The following IRAK1BP1 variants were observed in gnomAD, a reference collection of about 807,000 sequenced individuals.
IRAK1BP1 encodes the protein interleukin 1 receptor associated kinase 1 binding protein 1, also known as interleukin-1 receptor-associated kinase 1-binding protein 1.
Under a neutral mutation model 28.0 loss-of-function variants are expected in IRAK1BP1, and 24 were observed. That is an observed-to-expected ratio of 0.86 (90% CI 0.62 to 1.20). IRAK1BP1 has a LOEUF of 1.20. Ranked by LOEUF, IRAK1BP1 falls within the 50% of genes most tolerant of loss-of-function variation. IRAK1BP1 has a pLI of 0.00. For missense variants in IRAK1BP1, 336 were observed against 316.7 expected (o/e 1.06, Z -0.46); for synonymous variants, 131 against 116.3 (o/e 1.13, Z -0.81).
At chr6:78,893,645 C>A (rs1771764914) in intron 2 of IRAK1BP1, among the ~76,000 whole-genome samples, 1 of 151,986 alleles carries the variant, frequency 6.6e-6, no homozygotes, top group Non-Finnish European at 1.5e-5. Context: ...GTGGCTCACA[C>A]CTGTAATCCC....
intron 4 of IRAK1BP1, chr6:78,940,227 GTATAA>G (rs1773418661): frequency 1.3e-5 from 2 of 151,884 alleles, no homozygotes; most frequent in Admixed American, 6.6e-5. Flanking sequence ...CTGCTACTCT[GTATAA>G]CATCTATCTT....
intron 4 of IRAK1BP1, among the ~76,000 whole-genome samples, chr6:78,922,284 C>G (rs1772757026): frequency 6.6e-6 from 1 of 152,088 alleles, no homozygotes; most frequent in Admixed American, 6.5e-5. Flanking sequence ...AATGCACAAG[C>G]CTCAGTAGCT....
In IRAK1BP1 at chr6:78,898,116, G is replaced by A. The variant is rs907124157; in HGVS notation, c.565G>A (p.Val189Ile). 1 of 1,613,844 alleles carries A rather than the reference G, an allele frequency of 6.2e-7. No homozygotes were observed. The highest frequency in any genetic ancestry group is 1.3e-5 in the African/African-American group (1 of 75,000). ...GAATGCGTGGCGCAAAGCTCAAGAA[G>A]TCTGTAACCTTGTTGGCCAAACCTT... ...VENAWRKAQE[V>I]CNLVGQTLGK... The change falls in exon 4 of 4, where the codon GTC (valine) becomes ATC (isoleucine). Residue 189 changes from valine to isoleucine, a missense_variant. Coordinates refer to ENST00000369940, the MANE Select transcript of IRAK1BP1 (RefSeq NM_001010844.4).
At chr6:78,948,966 T>G (rs1290625435), downstream of IRAK1BP1, among the ~76,000 whole-genome samples, 1 of 152,228 alleles carries the variant, frequency 6.6e-6, no homozygotes, top group Admixed American at 6.5e-5. Context: ...CCAATAGTTA[T>G]GCCTTTTATT....
chr6:78,964,346 C>T, the IRAK1BP1 span, among the ~76,000 whole-genome samples: 1 of 152,088 alleles, frequency 6.6e-6, no homozygotes, highest in Non-Finnish European at 1.5e-5. Context: ...TTATTTTCTC[C>T]AACAGTTATT....
downstream of IRAK1BP1, among the ~76,000 whole-genome samples, chr6:78,905,951 C>A (rs1054056996): frequency 3.9e-5 from 6 of 152,100 alleles, no homozygotes; most frequent in Admixed American, 3.3e-4. Flanking sequence ...TTCAATACAT[C>A]TGTACCTAAG....
In IRAK1BP1 at chr6:78,900,715, TTCCTTTG is replaced by T. The variant is rs1772065897; in HGVS notation, c.*2387_*2393del. 1 of 152,222 alleles carries T rather than the reference TTCCTTTG, an allele frequency of 6.6e-6. No individual in the cohort carries two copies. The highest frequency in any genetic ancestry group is 1.5e-5 in the Non-Finnish European group (1 of 68,042). The allele number at this position is 152,222 out of a possible 1,614,324, so 9.4% of individuals were successfully genotyped here. A position where few individuals can be genotyped will look rare whatever the true frequency, so the allele number is the denominator to read the frequency against. On this transcript the variant is annotated 3_prime_UTR_variant, in exon 4 of 4. Transcript: ENST00000369940. ...GCAAGTTACTTTAATCTCTTTAATC[TTCCTTTG>T]TCCTTACAAATGAAAGAGACTAATA...
chr6:78,976,059 A>G, the IRAK1BP1 span, among the ~76,000 whole-genome samples: 1 of 152,026 alleles, frequency 6.6e-6, no homozygotes, highest in Non-Finnish European at 1.5e-5. Flanking sequence ...AAGGGCCCGC[A>G]TTGCCAAGTC....
intron 1 of IRAK1BP1, chr6:78,872,280 G>T: frequency 2.1e-6 from 1 of 482,260 alleles, no homozygotes; most frequent in South Asian, 3.9e-5. Flanking sequence ...GTGTTTTTTG[G>T]GATCACCTTC....
In IRAK1BP1 at chr6:78,901,997, G is replaced by C. The variant is rs560388228; in HGVS notation, c.*3663G>C. The stretch of plus-strand genomic sequence containing the variant: ...AAAAGCATGAATTATGAGATCAAAT[G>C]TGGGAGTTACTATATGATTATCTGC... On this transcript the variant is annotated 3_prime_UTR_variant, in exon 4 of 4. Transcript: ENST00000369940. The C allele has an allele frequency of 6.6e-6, 1 of 152,190 alleles. No individual in the cohort carries two copies. Among genetic ancestry groups the C allele is most frequent in the Non-Finnish European group, 1.5e-5 (1 of 68,038 alleles). 9.4% of individuals were successfully genotyped at this position (152,190 alleles called of 1,614,324 possible). A position where few individuals can be genotyped will look rare whatever the true frequency, so the allele number is the denominator to read the frequency against.
chr6:78,958,985 AG>A, the IRAK1BP1 span, among the ~76,000 whole-genome samples: 1 of 152,146 alleles, frequency 6.6e-6, no homozygotes, highest in Non-Finnish European at 1.5e-5. Context: ...CTGAACAAAA[AG>A]GAAACAAGTA....
At chr6:78,904,643 A>G (rs1772214824), downstream of IRAK1BP1, among the ~76,000 whole-genome samples, 2 of 152,174 alleles carry the variant, frequency 1.3e-5, 1 homozygote, top group South Asian at 4.1e-4. Context: ...TCAGTCATAT[A>G]TATTATAATT....
intron 1 of IRAK1BP1, among the ~76,000 whole-genome samples, chr6:78,877,852 C>A (rs780046982): frequency 2.0e-4 from 31 of 152,272 alleles, no homozygotes; most frequent in African/African-American, 6.0e-4. Flanking sequence ...TATCCCGCAC[C>A]TGGCTCAGAG....
the IRAK1BP1 span, among the ~76,000 whole-genome samples, chr6:78,977,460 G>T: frequency 6.6e-6 from 1 of 152,012 alleles, no homozygotes; most frequent in Non-Finnish European, 1.5e-5. Flanking sequence ...CACCAGCATG[G>T]CACATGTATA....
At chr6:78,890,108 A>G (rs937256601) in intron 2 of IRAK1BP1, among the ~76,000 whole-genome samples, 6 of 152,254 alleles carry the variant, frequency 3.9e-5, no homozygotes, top group Middle Eastern at 3.4e-3. Flanking sequence ...GGATGCGTTC[A>G]TGTTCTTTGC....
In IRAK1BP1 at chr6:78,898,301, A is replaced by G; in HGVS notation, c.750A>G (p.Val250=). 1.3e-6 allele frequency: 2 copies of G among 1,594,512 alleles called. No homozygotes were observed. The highest frequency in any genetic ancestry group is 1.7e-6 in the Non-Finnish European group (2 of 1,170,378). ...AASKVFITFE[V]KGKEKRKKHL ...CAAAAGTATTTATAACTTTTGAGGT[A>G]AAGGGAAAAGAGAAGAGAAAAAAGC... Residue 250 remains valine, a synonymous_variant, in exon 4 of 4, where the codon GTA becomes GTG. Coordinates refer to ENST00000369940, the MANE Select transcript of IRAK1BP1 (RefSeq NM_001010844.4).
chr6:78,895,701 T>A (rs1290759674), intron 2 of IRAK1BP1, among the ~76,000 whole-genome samples: 1 of 152,170 alleles, frequency 6.6e-6, no homozygotes, highest in East Asian at 1.9e-4. Context: ...TTATTCCTAG[T>A]AAAAATTATC....
the IRAK1BP1 span, among the ~76,000 whole-genome samples, chr6:78,975,410 C>T: frequency 2.0e-5 from 3 of 152,152 alleles, no homozygotes; most frequent in Non-Finnish European, 4.4e-5. Context: ...AACCCACAGC[C>T]AATATCATAC....
the IRAK1BP1 span, among the ~76,000 whole-genome samples, chr6:78,952,178 G>T: frequency 2.0e-5 from 3 of 151,992 alleles, no homozygotes; most frequent in Non-Finnish European, 4.4e-5. Context: ...CCAGCACTTT[G>T]GGGAGGCTGA....
Sources: allele counts gnomAD v4.1 joint callset (sites outside exome capture counted in the v4.1 genomes callset), GRCh38; gene constraint gnomAD v4.1.1; transcripts MANE v1.5; gene names NCBI Gene and HGNC (gene_info 2026-07-23, HGNC 2026-07-21).